ANXA8: variants seen among roughly 807,000 people sequenced by gnomAD.
The protein encoded by ANXA8 is annexin A8.
A neutral mutation model predicts 26.8 loss-of-function variants in ANXA8; 9 were observed. That is an observed-to-expected ratio of 0.34 (90% CI 0.20 to 0.59). The LOEUF is 0.59. Among genes scored for constraint, ANXA8 ranks in the 20% least tolerant of loss-of-function variants. The pLI is 0.84. For synonymous variants in ANXA8, 39 were observed against 94.8 expected (o/e 0.41, Z 3.42); for missense variants, 83 against 238.5 (o/e 0.35, Z 4.29).
At chr10:47,678,800 G>A in the ANXA8 span, among the ~76,000 whole-genome samples, 3 of 150,096 alleles carry the variant, frequency 2.0e-5, no homozygotes, top group African/African-American at 2.5e-5. Context: ...TAGCACTTTG[G>A]GGGGCCGAGG....
the ANXA8 span, among the ~76,000 whole-genome samples, chr10:47,666,713 AT>A: frequency 0.033 from 5,043 of 151,440 alleles, 241 homozygotes; most frequent in African/African-American, 0.12. Flanking sequence ...TTTAATCTTA[AT>A]TTTTTTTCCC....
intron 7 of ANXA8, among the ~76,000 whole-genome samples, chr10:47,474,696 C>T (rs1288946601): frequency 2.3e-5 from 2 of 86,086 alleles, no homozygotes; most frequent in African/African-American, 8.7e-5. Flanking sequence ...TGGGGCCTAG[C>T]GCCCCCGGGT....
the ANXA8 span, among the ~76,000 whole-genome samples, chr10:47,684,584 T>A: frequency 2.0e-5 from 3 of 151,360 alleles, no homozygotes; most frequent in East Asian, 1.9e-4. Context: ...ACATTATGAG[T>A]TTTTTTTGAG....
the ANXA8 span, among the ~76,000 whole-genome samples, chr10:47,682,028 C>T: frequency 1.3e-5 from 2 of 150,812 alleles, no homozygotes; most frequent in South Asian, 2.1e-4. Context: ...ATTACACAGA[C>T]CTGGCGGCCA....
chr10:47,546,627 C>T, the ANXA8 span, among the ~76,000 whole-genome samples: 1 of 135,760 alleles, frequency 7.4e-6, no homozygotes, highest in South Asian at 2.4e-4. Context: ...AGGATGGTCT[C>T]GATCTCCTGA....
the ANXA8 span, among the ~76,000 whole-genome samples, chr10:47,743,339 T>G: frequency 1.7e-5 from 1 of 59,272 alleles, no homozygotes; most frequent in African/African-American, 6.1e-5. Context: ...CATATATATA[T>G]ACATATATAT....
the ANXA8 span, among the ~76,000 whole-genome samples, chr10:47,681,522 A>AAT: frequency 9.7e-5 from 8 of 82,882 alleles, no homozygotes; most frequent in Non-Finnish European, 1.3e-4. Flanking sequence ...TTTTATTTTT[A>AAT]CTTTTTTTTT....
chr10:47,546,265 A>T, the ANXA8 span, among the ~76,000 whole-genome samples: 12 of 138,378 alleles, frequency 8.7e-5, 2 homozygotes, highest in Non-Finnish European at 1.7e-4. Flanking sequence ...GAAACCTCTA[A>T]CTTGTATGTT....
chr10:47,498,217 A>C, the ANXA8 span, among the ~76,000 whole-genome samples: 2 of 150,182 alleles, frequency 1.3e-5, no homozygotes, highest in African/African-American at 4.8e-5. Flanking sequence ...TTGCTTACTC[A>C]GTCTGGACGC....
At chr10:47,616,235 C>CTT in the ANXA8 span, among the ~76,000 whole-genome samples, 21 of 67,182 alleles carry the variant, frequency 3.1e-4, 4 homozygotes, top group African/African-American at 9.4e-4. Flanking sequence ...AAGAGAGAAG[C>CTT]TTTTTTTTTT....
the ANXA8 span, among the ~76,000 whole-genome samples, chr10:47,952,003 C>G: frequency 1.3e-5 from 2 of 150,242 alleles, no homozygotes; most frequent in African/African-American, 4.9e-5. Context: ...GCAGAAAACC[C>G]AGGTGATGAT....
Position 47,476,283 on chromosome 10 carries a change from C to A in ANXA8, c.361G>T (p.Ala121Ser). 5 of 558,070 alleles carry A rather than the reference C, an allele frequency of 9.0e-6. 1 individual carries two copies. Among genetic ancestry groups the A allele is most frequent in the Non-Finnish European group, 1.3e-5 (5 of 380,044 alleles). 34.6% of individuals were successfully genotyped at this position (558,070 alleles called of 1,614,324 possible). The change falls in exon 5 of 12, where the codon GCC (alanine) becomes TCC (serine). Residue 121 changes from alanine to serine, a missense_variant. This residue lies in a region of ANXA8 where 16 missense variants were observed against 16.3 expected (regional missense o/e 0.98). Transcript: ENST00000585281. ...TKEGVIIEIL[A>S]SRTKNQLREI... Reference sequence around the variant, plus strand: ...CGCAGCTGGTTCTTGGTCCGAGAGGCCAGGATCTCAATGATGACACCCTCC... The same window carrying A: ...CGCAGCTGGTTCTTGGTCCGAGAGGACAGGATCTCAATGATGACACCCTCC...
the ANXA8 span, among the ~76,000 whole-genome samples, chr10:47,639,161 C>T: frequency 2.0e-5 from 3 of 147,874 alleles, no homozygotes; most frequent in Non-Finnish European, 3.0e-5. Flanking sequence ...GACCGAGTCT[C>T]GCTCTGTCGC....
chr10:47,687,685 A>G, the ANXA8 span, among the ~76,000 whole-genome samples: 1 of 151,930 alleles, frequency 6.6e-6, no homozygotes, highest in Non-Finnish European at 1.5e-5. Flanking sequence ...TCTAATAATG[A>G]CATGCAATAG....
chr10:47,655,739 G>A, the ANXA8 span, among the ~76,000 whole-genome samples: 8 of 151,988 alleles, frequency 5.3e-5, no homozygotes, highest in Admixed American at 1.3e-4. Flanking sequence ...CTTTAGCTGC[G>A]GCCGGGCAAG....
chr10:47,490,952 G>A, the ANXA8 span, among the ~76,000 whole-genome samples: 3,500 of 16,792 alleles, frequency 0.21, no homozygotes, highest in Non-Finnish European at 0.26. Context: ...TCAGGAGTTT[G>A]AGACCAGCCT....
chr10:47,657,980 G>A, the ANXA8 span, among the ~76,000 whole-genome samples: 1 of 151,750 alleles, frequency 6.6e-6, no homozygotes, highest in East Asian at 1.9e-4. Context: ...CAGACCTTCA[G>A]AAGCTTCATA....
the ANXA8 span, chr10:47,727,101 G>A: frequency 4.3e-6 from 3 of 699,612 alleles, no homozygotes; most frequent in East Asian, 2.7e-5. Context: ...TGAAATATAA[G>A]CCTATGTAAG....
the ANXA8 span, among the ~76,000 whole-genome samples, chr10:47,554,503 A>G: frequency 5.8e-3 from 874 of 150,104 alleles, 7 homozygotes; most frequent in African/African-American, 0.02. Context: ...CCAGGGATCC[A>G]CCCATTGCCA....
Sources: gnomAD v4.1 joint callset for allele counts (sites outside exome capture counted in the v4.1 genomes callset) on GRCh38, gnomAD v4.1.1 for gene constraint, gnomAD v4.1.1 regional missense constraint, MANE v1.5 for transcripts, NCBI Gene and HGNC (gene_info 2026-07-23, HGNC 2026-07-21) for gene names.